Variants in SCAI observed in about 807,000 individuals in gnomAD.
The protein encoded by SCAI is suppressor of cancer cell invasion, also known as protein SCAI.
Under a neutral mutation model 92.2 loss-of-function variants are expected in SCAI, and 24 were observed. That is an observed-to-expected ratio of 0.26 (90% CI 0.19 to 0.37). The LOEUF (loss-of-function observed/expected upper bound fraction) is 0.37. Among genes scored for constraint, SCAI ranks in the 10% least tolerant of loss-of-function variants. The pLI is 1.00. For missense variants in SCAI, 450 were observed against 736.2 expected, an observed-to-expected ratio of 0.61 and a Z score of 4.50; for synonymous variants, 261 against 258.6, an observed-to-expected ratio of 1.01 and a Z score of -0.09.
In SCAI at chr9:124,952,938, G is replaced by A. The variant is rs755431697; in HGVS notation, c.1690C>T (p.Pro564Ser). 1 of 1,612,960 alleles carries A rather than the reference G, an allele frequency of 6.2e-7. No homozygotes were observed. Among genetic ancestry groups the A allele is most frequent in the Non-Finnish European group, 8.5e-7 (1 of 1,179,714 alleles). ...CTTGGCAGTTGTGGATATGATTCTG[G>A]ATAATTTCGTGTTTCCTGGTAGGCA... ...HKIFRETRNY[P>S]ESYPQLPRDE... is the part of the protein sequence containing the mutation. Residue 564 changes from proline to serine, a missense_variant, in exon 18 of 18, where the codon CCA (proline) becomes TCA (serine). By Grantham distance (74) the Pro-to-Ser change is moderately conservative. Coordinates refer to ENST00000336505, the MANE Select transcript of SCAI (RefSeq NM_001144877.3).
At chr9:125,029,823 G>T in intron 3 of SCAI, 84 bp from the exon 4 acceptor site, 1 of 719,262 alleles carries the variant, frequency 1.4e-6, no homozygotes, top group Non-Finnish European at 2.1e-6. Flanking sequence ...AAACCAGACA[G>T]ATGAAAAATG....
intron 14 of SCAI, among the ~76,000 whole-genome samples, chr9:124,990,990 GA>G (rs1832107790): frequency 6.6e-6 from 1 of 152,182 alleles, no homozygotes; most frequent in Admixed American, 6.6e-5. Context: ...AAAGGGCTCT[GA>G]AAGTTTCTGA....
At chr9:125,092,375 T>C (rs950556044) in intron 2 of SCAI, among the ~76,000 whole-genome samples, 1 of 148,570 alleles carries the variant, frequency 6.7e-6, no homozygotes, top group Non-Finnish European at 1.5e-5. Flanking sequence ...ATAGCTTGAA[T>C]CCAGGAGTCG....
chr9:125,040,737 T>C (rs1401147394), intron 3 of SCAI, among the ~76,000 whole-genome samples: 1 of 152,016 alleles, frequency 6.6e-6, no homozygotes, highest in African/African-American at 2.4e-5. Context: ...AGCGTTCTCC[T>C]GACTCAGCCT....
intron 3 of SCAI, among the ~76,000 whole-genome samples, chr9:125,032,018 C>T (rs1482834051): frequency 6.6e-6 from 1 of 151,788 alleles, no homozygotes. Context: ...GCTAGTTCAA[C>T]TCTGTCTCAA....
chr9:125,130,002 G>A (rs910924334), intron 2 of SCAI, among the ~76,000 whole-genome samples: 1 of 151,700 alleles, frequency 6.6e-6, no homozygotes, highest in East Asian at 1.9e-4. Flanking sequence ...GGGTTCAAGC[G>A]ATTCTCCTGC....
intron 9 of SCAI, among the ~76,000 whole-genome samples, chr9:125,018,044 G>A (rs142768336): frequency 5.7e-4 from 86 of 151,734 alleles, no homozygotes; most frequent in African/African-American, 1.8e-3. Flanking sequence ...CCAACTCCTC[G>A]CCCCTTTTTG....
chr9:125,056,758 T>G (rs1256996070), intron 2 of SCAI, among the ~76,000 whole-genome samples: 1 of 152,146 alleles, frequency 6.6e-6, no homozygotes, highest in African/African-American at 2.4e-5. Context: ...GAAAACAACC[T>G]AAAGGCCCCA....
intron 2 of SCAI, among the ~76,000 whole-genome samples, chr9:125,066,456 A>ATTTTTTTT (rs1183338955): frequency 1.8e-4 from 22 of 121,542 alleles, no homozygotes; most frequent in African/African-American, 6.7e-4. Flanking sequence ...TATTTTATTT[A>ATTTTTTTT]TTTATTTATT....
At chr9:125,080,292 C>A (rs1384830141) in intron 2 of SCAI, among the ~76,000 whole-genome samples, 6 of 152,172 alleles carry the variant, frequency 3.9e-5, no homozygotes, top group Admixed American at 2.6e-4. Context: ...AGAAAAAAAA[C>A]CCCAAAGTCA....
intron 2 of SCAI, among the ~76,000 whole-genome samples, chr9:125,115,377 A>T (rs1835022091): frequency 6.6e-6 from 1 of 150,698 alleles, no homozygotes; most frequent in Non-Finnish European, 1.5e-5. Flanking sequence ...CCTCAAAAAA[A>T]AAAAAAAAAA....
rs373874915 is a variant in SCAI at position 125,085,386 on chromosome 9, C to A, written c.99-29379G>T. Among the ~76,000 whole-genome samples, 156 of 152,236 alleles carry A rather than the reference C, an allele frequency of 1.0e-3. 4 individuals are homozygous for A. The South Asian group carries it at 0.032, about 31-fold the overall frequency. On this transcript the variant is annotated intron_variant, in intron 2 of 17. Coordinates refer to ENST00000336505, the MANE Select transcript of SCAI (RefSeq NM_001144877.3). ...CCTGTAGTCACAGCTACTCAGGAAG[C>A]TGAGGCAGGAGAATCACTTGAACCC...
chr9:124,998,425 C>T (rs1832289379), intron 13 of SCAI, among the ~76,000 whole-genome samples: 2 of 151,926 alleles, frequency 1.3e-5, no homozygotes, highest in Non-Finnish European at 2.9e-5. Context: ...TGCACTCTAG[C>T]CTGGGCATGA....
At chr9:125,142,065 G>A (rs1835679519) in intron 2 of SCAI, among the ~76,000 whole-genome samples, 1 of 152,008 alleles carries the variant, frequency 6.6e-6, no homozygotes, top group Admixed American at 6.6e-5. Context: ...TGAGAAGCTG[G>A]GACTACAGGT....
At chr9:125,127,745 C>T (rs545523652) in intron 2 of SCAI, among the ~76,000 whole-genome samples, 12 of 152,110 alleles carry the variant, frequency 7.9e-5, no homozygotes, top group Non-Finnish European at 1.0e-4. Context: ...AGGTGGCACA[C>T]GCCTGTAATC....
At chr9:124,977,059 G>A (rs1831774192) in intron 14 of SCAI, among the ~76,000 whole-genome samples, 1 of 151,506 alleles carries the variant, frequency 6.6e-6, no homozygotes, top group Non-Finnish European at 1.5e-5. Context: ...AGTAGAGATG[G>A]GATTTTGCCA....
At chr9:124,988,097 G>A (rs1454295075) in intron 14 of SCAI, among the ~76,000 whole-genome samples, 3 of 151,846 alleles carry the variant, frequency 2.0e-5, no homozygotes, top group Non-Finnish European at 2.9e-5. Flanking sequence ...ACGCTTCAGG[G>A]AAAACATGGC....
chr9:125,055,099 G>A lies in SCAI; in HGVS notation c.230+777C>T, dbSNP rs1473724841. On this transcript the variant is annotated intron_variant, in intron 3 of 17. Transcript: ENST00000336505. Reference sequence around the variant, plus strand: ...CCAGTATACGTCCAAACCTGGGGATGTATAATACAATTGTAAAATGTAAGA... The same window carrying A: ...CCAGTATACGTCCAAACCTGGGGATATATAATACAATTGTAAAATGTAAGA... Among the ~76,000 whole-genome samples, 3 of 152,074 alleles carry A rather than the reference G, an allele frequency of 2.0e-5. No homozygotes were observed. The East Asian group carries it at 5.8e-4, about 29-fold the overall frequency.
chr9:124,996,850 G>C (rs577736093), intron 13 of SCAI, among the ~76,000 whole-genome samples: 3 of 152,030 alleles, frequency 2.0e-5, no homozygotes, highest in South Asian at 4.2e-4. Context: ...GGCTGTTTTC[G>C]AACTCCTGAC....
Sources: allele counts gnomAD v4.1 joint callset (sites outside exome capture counted in the v4.1 genomes callset), GRCh38; gene constraint gnomAD v4.1.1; transcripts MANE v1.5; gene names NCBI Gene and HGNC (gene_info 2026-07-23, HGNC 2026-07-21).